The following APLP2 variants were observed in gnomAD, a reference collection of about 807,000 sequenced individuals.
APLP2 encodes the protein amyloid beta precursor like protein 2.
APLP2 carries 53 observed loss-of-function variants against 89.9 expected under a neutral mutation model. The ratio of observed to expected loss-of-function variants is 0.59; its 90% CI spans 0.47 to 0.74. APLP2 has a LOEUF of 0.74. Among genes scored for constraint, APLP2 ranks in the 30% least tolerant of loss-of-function variants. APLP2 has a pLI of 0.00. For missense variants in APLP2, 973 were observed against 975.9 expected, an observed-to-expected ratio of 1.00 and a Z score of 0.04; for synonymous variants, 372 against 348.6, an observed-to-expected ratio of 1.07 and a Z score of -0.75.
chr11:130,105,701 CTTTT>C (rs765278847), intron 1 of APLP2, among the ~76,000 whole-genome samples: 2 of 118,208 alleles, frequency 1.7e-5, no homozygotes, highest in Non-Finnish European at 3.4e-5. Flanking sequence ...TTTCTGTCTG[CTTTT>C]TTTTTTTTTT....
chr11:130,087,412 T>G (rs1260727021), intron 1 of APLP2, among the ~76,000 whole-genome samples: 2 of 152,172 alleles, frequency 1.3e-5, no homozygotes, highest in East Asian at 1.9e-4. Flanking sequence ...TTTAAAGAAA[T>G]TAGAACATCT....
At chr11:130,131,555 T>C (rs1267534258) in intron 11 of APLP2, among the ~76,000 whole-genome samples, 1 of 152,200 alleles carries the variant, frequency 6.6e-6, no homozygotes, top group African/African-American at 2.4e-5. Flanking sequence ...CTCAGGACTT[T>C]GCTTCACGCT....
At chr11:130,083,021 C>CTTTTTTTTTTTTTTTTTTTTTTTTTTTT in intron 1 of APLP2, among the ~76,000 whole-genome samples, 1 of 79,980 alleles carries the variant, frequency 1.3e-5, no homozygotes, top group Non-Finnish European at 2.6e-5. Context: ...TGAAACTTTT[C>CTTTTTTTTTTTTTTTTTTTTTTTTTTTT]TTTTCTTTTT....
chr11:130,084,753 G>A (rs1943836407), intron 1 of APLP2, among the ~76,000 whole-genome samples: 1 of 151,644 alleles, frequency 6.6e-6, no homozygotes, highest in Admixed American at 6.6e-5. Context: ...CAGCCTAATT[G>A]TACACCTCAA....
intron 1 of APLP2, among the ~76,000 whole-genome samples, chr11:130,081,021 G>T (rs1012885360): frequency 6.6e-6 from 1 of 151,962 alleles, no homozygotes; most frequent in African/African-American, 2.4e-5. Context: ...CATATGCTTT[G>T]AGCTACAAAC....
intron 1 of APLP2, among the ~76,000 whole-genome samples, chr11:130,082,320 AT>A (rs1459648920): frequency 6.6e-6 from 1 of 151,966 alleles, no homozygotes; most frequent in African/African-American, 2.4e-5. Context: ...AGCAGCTGGG[AT>A]TACAGGTGCC....
At chr11:130,084,798 A>C (rs1591767950) in intron 1 of APLP2, among the ~76,000 whole-genome samples, 1 of 152,326 alleles carries the variant, frequency 6.6e-6, no homozygotes, top group Non-Finnish European at 1.5e-5. Context: ...CAAAGTGAGC[A>C]GAAGGAGGAA....
chr11:130,096,837 C>T lies in APLP2; in HGVS notation c.106-12592C>T, dbSNP rs868150032. Among the ~76,000 whole-genome samples, 9 of 152,122 alleles carry T rather than the reference C, an allele frequency of 5.9e-5. No homozygotes were observed. The South Asian group carries it at 1.9e-3, about 31-fold the overall frequency. ...ACTCGAGGGTAGCTTTTCCTGCTGT[C>T]GTTTATGCATTTATTAGTAGTTAGG... On this transcript the variant is annotated intron_variant, in intron 1 of 16. Coordinates refer to ENST00000338167, the MANE Select transcript of APLP2 (RefSeq NM_001142276.2).
chr11:130,091,534 G>A, intron 1 of APLP2, among the ~76,000 whole-genome samples: 1 of 139,118 alleles, frequency 7.2e-6, no homozygotes, highest in African/African-American at 2.7e-5. Context: ...CGGCTGGCCG[G>A]GCGGGGGGCT....
At chr11:130,108,725 TA>T (rs1169210530) in intron 1 of APLP2, 1 of 152,240 alleles carries the variant, frequency 6.6e-6, no homozygotes, top group Non-Finnish European at 1.5e-5. Flanking sequence ...CAATGGATTA[TA>T]AATCATGCTG....
chr11:130,104,926 C>T (rs1401677833), intron 1 of APLP2, among the ~76,000 whole-genome samples: 2 of 152,146 alleles, frequency 1.3e-5, no homozygotes, highest in African/African-American at 2.4e-5. Flanking sequence ...TTCTCTTATA[C>T]TAGTAGAAAG....
intron 10 of APLP2, among the ~76,000 whole-genome samples, chr11:130,129,651 G>A (rs562862608): frequency 1.2e-4 from 18 of 152,302 alleles, no homozygotes; most frequent in African/African-American, 4.3e-4. Flanking sequence ...TTGCTTTGGG[G>A]GATGGAAAGT....
intron 1 of APLP2, among the ~76,000 whole-genome samples, chr11:130,105,164 G>A (rs1238322685): frequency 6.6e-6 from 1 of 152,188 alleles, no homozygotes; most frequent in African/African-American, 2.4e-5. Flanking sequence ...TAGGATCCCA[G>A]TCCTTTGGGA....
At chr11:130,070,142 G>C in intron 1 of APLP2, 60 bp downstream of exon 1, 1 of 1,180,716 alleles carries the variant, frequency 8.5e-7, no homozygotes, top group Non-Finnish European at 1.1e-6. Flanking sequence ...AGCGCGGACT[G>C]CGGGCGGGCA....
intron 1 of APLP2, among the ~76,000 whole-genome samples, chr11:130,070,290 G>C (rs1940667820): frequency 6.6e-6 from 1 of 151,240 alleles, no homozygotes. Flanking sequence ...AGCCGCCGCA[G>C]AGGCCAAATG....
intron 3 of APLP2, among the ~76,000 whole-genome samples, chr11:130,117,330 T>G (rs569470707): frequency 6.6e-6 from 1 of 152,346 alleles, no homozygotes; most frequent in African/African-American, 2.4e-5. Flanking sequence ...TAAACTTTAA[T>G]TCTGAAATAT....
chr11:130,091,133 C>T (rs1945012915), intron 1 of APLP2, among the ~76,000 whole-genome samples: 1 of 142,440 alleles, frequency 7.0e-6, no homozygotes, highest in African/African-American at 2.6e-5. Context: ...GCTGGCCGGG[C>T]AGAGGGGCTC....
intron 6 of APLP2, among the ~76,000 whole-genome samples, chr11:130,122,994 T>G (rs1949996918): frequency 6.6e-6 from 1 of 151,216 alleles, no homozygotes; most frequent in Non-Finnish European, 1.5e-5. Flanking sequence ...GGCCTGCAGT[T>G]TTTTTTTTTT....
chr11:130,076,357 G>A (rs1476995070), intron 1 of APLP2, among the ~76,000 whole-genome samples: 2 of 152,358 alleles, frequency 1.3e-5, no homozygotes, highest in African/African-American at 4.8e-5. Context: ...TTACAGGCAT[G>A]AGCCACTGCG....
Sources: gnomAD v4.1 joint callset for allele counts (sites outside exome capture counted in the v4.1 genomes callset) on GRCh38, gnomAD v4.1.1 for gene constraint, MANE v1.5 for transcripts, NCBI Gene and HGNC (gene_info 2026-07-23, HGNC 2026-07-21) for gene names.